Variants in CLDN15 observed in about 807,000 individuals in gnomAD.
CLDN15 encodes claudin 15, also known as claudin-15.
In CLDN15, 9 loss-of-function variants were observed where a neutral mutation model predicts 24.5. The ratio of observed to expected loss-of-function variants is 0.37; its 90% CI spans 0.22 to 0.64. The LOEUF is 0.64. CLDN15 is among the 30% of genes least tolerant of loss of function. The pLI is 0.63. For synonymous variants in CLDN15, 149 were observed against 131.4 expected (o/e 1.13, Z -0.92); for missense variants, 248 against 305.9 (o/e 0.81, Z 1.41).
chr7:101,236,694 G>A (rs1798632081), intron 1 of CLDN15: 1 of 1,270,586 alleles, frequency 7.9e-7, no homozygotes, highest in African/African-American at 1.5e-5. Context: ...AAGAGCTGTT[G>A]GCTCCAGCCC....
At chr7:101,233,105 G>A (rs1411450897) in intron 2 of CLDN15, among the ~76,000 whole-genome samples, 191 bp from the exon 3 acceptor site, 1 of 152,030 alleles carries the variant, frequency 6.6e-6, no homozygotes, top group East Asian at 1.9e-4. Context: ...CAACTTCTCA[G>A]GGTAGCCCTT....
chr7:101,232,488 C>T lies in CLDN15; in HGVS notation c.609G>A (p.Val203=). The T allele has an allele frequency of 6.2e-7, 1 of 1,613,400 alleles. No homozygotes were observed. The highest frequency in any genetic ancestry group is 1.6e-4 in the Middle Eastern group (1 of 6,062). ...CCGAGGTGGCGACGGGCATCACGGA[C>T]ACTGGAGCCTGGTAGGGCCGCCGGG... ...ASARRPYQAP[V]SVMPVATSDQ... The change falls in exon 5 of 5, where the codon GTG becomes GTA. Residue 203 remains valine (V), a synonymous_variant. Coordinates refer to ENST00000308344, the MANE Select transcript of CLDN15 (RefSeq NM_014343.3).
chr7:101,234,731 T>C (rs1268638205), intron 1 of CLDN15, among the ~76,000 whole-genome samples: 1 of 151,986 alleles, frequency 6.6e-6, no homozygotes, highest in Non-Finnish European at 1.5e-5. Flanking sequence ...CAGGCCCCCC[T>C]CACCTTCTTG....
intron 1 of CLDN15, among the ~76,000 whole-genome samples, chr7:101,236,153 G>T (rs1038018830): frequency 6.6e-6 from 1 of 152,136 alleles, no homozygotes; most frequent in Admixed American, 6.6e-5. Context: ...CTCACAGCAT[G>T]ATGTGTCTGG....
At chr7:101,238,086 C>T (rs530381048), upstream of CLDN15, 239 of 203,814 alleles carry the variant, frequency 1.2e-3, 1 homozygote, top group African/African-American at 4.9e-3. Flanking sequence ...CAGAGACAGA[C>T]GTGAGAGCAA....
chr7:101,234,032 G>A (rs1311366914), intron 2 of CLDN15: 1 of 684,182 alleles, frequency 1.5e-6, no homozygotes, highest in East Asian at 2.8e-5. Flanking sequence ...TCTTATCTTC[G>A]AAGTCCCTCC....
chr7:101,234,131 T>G, intron 2 of CLDN15, 147 bp downstream of exon 2: 2 of 786,136 alleles, frequency 2.5e-6, no homozygotes, highest in South Asian at 2.7e-5. Context: ...GGAGTACAGA[T>G]GAGGCAGGGG....
Position 101,237,334 on chromosome 7 carries a change from C to T in CLDN15, c.217+31G>A, listed in dbSNP as rs746968288. ...GGGTCTCTGCAGCTTCCCCGCCGCC[C>T]TCTCTCCCTGGAGCGCTCCCCACCC... On this transcript the variant is annotated intron_variant, in intron 1 of 4. Coordinates refer to ENST00000308344, the MANE Select transcript of CLDN15 (RefSeq NM_014343.3). The surrounding 1 kb of genome is among the most constrained non-coding windows in gnomAD (Gnocchi z 4.0). 4 of 1,452,210 alleles carry T rather than the reference C, an allele frequency of 2.8e-6. No individual in the cohort carries two copies. The Middle Eastern group carries it at 6.9e-4, about 252-fold the overall frequency. The allele number at this position is 1,452,210 out of a possible 1,614,324, so 90.0% of individuals were successfully genotyped here. A position where few individuals can be genotyped will look rare whatever the true frequency, so the allele number is the denominator to read the frequency against.
At chr7:101,235,832 C>G (rs10279323) in intron 1 of CLDN15, among the ~76,000 whole-genome samples, 1 of 152,066 alleles carries the variant, frequency 6.6e-6, no homozygotes, top group South Asian at 2.1e-4. Context: ...ACATGGGCTG[C>G]GTGGCCAGGG....
At chr7:101,234,585 C>T in intron 1 of CLDN15, 143 bp from the exon 2 acceptor site, 1 of 614,402 alleles carries the variant, frequency 1.6e-6, no homozygotes, top group Non-Finnish European at 2.9e-6. Flanking sequence ...CACCACCACG[C>T]CCGGCTAATT....
intron 2 of CLDN15, chr7:101,234,004 C>T: frequency 1.6e-6 from 1 of 641,218 alleles, no homozygotes. Flanking sequence ...ATGTAAGCTC[C>T]CGGAGGCAGC....
chr7:101,236,498 G>A (rs1798627278), intron 1 of CLDN15, among the ~76,000 whole-genome samples: 1 of 152,200 alleles, frequency 6.6e-6, no homozygotes. Flanking sequence ...TGAGTGGACT[G>A]GCCCTGAAGG....
chr7:101,234,221 G>C, intron 2 of CLDN15, 57 bp downstream of exon 2: 2 of 1,358,270 alleles, frequency 1.5e-6, no homozygotes, highest in Non-Finnish European at 2.1e-6. Flanking sequence ...TGAGGACAAA[G>C]CAGCCTGAAG....
chr7:101,234,108 C>A, intron 2 of CLDN15, 170 bp downstream of exon 2: 1 of 750,154 alleles, frequency 1.3e-6, no homozygotes, highest in Non-Finnish European at 2.4e-6. Flanking sequence ...TGATTTGCAG[C>A]CAGGAGATCT....
rs1039286222 is a variant in CLDN15 at position 101,237,654 on chromosome 7, G to A, written c.-73C>T. On this transcript the variant is annotated 5_prime_UTR_variant, in exon 1 of 5. Coordinates refer to ENST00000308344, the MANE Select transcript of CLDN15 (RefSeq NM_014343.3). This position sits in a 1 kb window ranked among gnomAD's most constrained non-coding sequence, Gnocchi z 4.0. ...GGCAGAACCCCTAGGGAACTGGAAGGGGCTGCGGCTAAGGAGGGTTGTCCA... is the reference window on the plus strand; with the variant it reads ...GGCAGAACCCCTAGGGAACTGGAAGAGGCTGCGGCTAAGGAGGGTTGTCCA... 4.2e-5 allele frequency: 47 copies of A among 1,107,420 alleles called. No homozygotes were observed. The highest frequency in any genetic ancestry group is 4.5e-5 in the Non-Finnish European group (33 of 735,124). 68.6% of individuals were successfully genotyped at this position (1,107,420 alleles called of 1,614,324 possible).
At chr7:101,232,969 G>A (rs1798532748) in intron 2 of CLDN15, 55 bp from the exon 3 acceptor site, 2 of 1,265,350 alleles carry the variant, frequency 1.6e-6, no homozygotes, top group Non-Finnish European at 2.3e-6. Context: ...AGTGGGGGAG[G>A]GGGCTTAGGG....
At position 101,232,849 on chromosome 7, in the gene CLDN15, A is replaced by T. The variant is rs1315206886; in HGVS notation, c.448T>A (p.Leu150Met). The T allele has an allele frequency of 6.2e-7, 1 of 1,613,040 alleles. No individual in the cohort carries two copies. Among genetic ancestry groups the T allele is most frequent in the South Asian group, 1.1e-5 (1 of 91,068 alleles). The change falls in exon 3 of 5, where the codon TTG (leucine) becomes ATG (methionine). Residue 150 changes from leucine (L) to methionine (M), a missense_variant. Physicochemically the swap from Leu to Met is conservative, Grantham distance 15. Coordinates refer to ENST00000308344, the MANE Select transcript of CLDN15 (RefSeq NM_014343.3). ...FNITRDFFDP[L>M]YPGTKYELGP... ...CTCACTCACTTGGTTCCGGGGTACAAGGGGTCGAAGAAGTCCCGGGTGATG... is the reference window on the plus strand; with the variant it reads ...CTCACTCACTTGGTTCCGGGGTACATGGGGTCGAAGAAGTCCCGGGTGATG...
At position 101,237,736 on chromosome 7, in the gene CLDN15, T is replaced by G. The variant is rs1206760459; in HGVS notation, c.-155A>C. ...TGCCTGCCTCTTCCTCGGGCTCAGG[T>G]CCGTCTCCACTTTCTGCCTCCCTCC... On this transcript the variant is annotated 5_prime_UTR_variant, in exon 1 of 5. Transcript: ENST00000308344. The surrounding 1 kb of genome is among the most constrained non-coding windows in gnomAD (Gnocchi z 4.0). 3 of 641,346 alleles carry G rather than the reference T, an allele frequency of 4.7e-6. No homozygotes were observed. The East Asian group carries it at 8.2e-5, about 17-fold the overall frequency. The allele number at this position is 641,346 out of a possible 1,614,324, so 39.7% of individuals were successfully genotyped here.
At chr7:101,236,784 C>A in intron 1 of CLDN15, 2 of 1,291,338 alleles carry the variant, frequency 1.5e-6, no homozygotes, top group Non-Finnish European at 1.0e-6. Flanking sequence ...GACGCTCAAC[C>A]TGCAACTTGC....
Sources: allele counts gnomAD v4.1 joint callset (sites outside exome capture counted in the v4.1 genomes callset), GRCh38; gene constraint gnomAD v4.1.1; non-coding constraint Gnocchi (gnomAD v3.1); transcripts MANE v1.5; gene names NCBI Gene and HGNC (gene_info 2026-07-23, HGNC 2026-07-21).